Variants in CEP85L observed in about 807,000 individuals in gnomAD.
CEP85L encodes centrosomal protein 85L, also known as centrosomal protein of 85 kDa-like.
Under a neutral mutation model 100.3 loss-of-function variants are expected in CEP85L, and 60 were observed. The observed-to-expected ratio is 0.60, with a 90% CI of 0.49 to 0.74. CEP85L has a LOEUF of 0.74. CEP85L is among the 30% of genes least tolerant of loss of function. CEP85L has a pLI of 0.00. For missense variants in CEP85L, 973 were observed against 936.2 expected (o/e 1.04, Z -0.51); for synonymous variants, 319 against 322.7 (o/e 0.99, Z 0.12).
chr6:118,531,845 G>GA (rs923927823), intron 3 of CEP85L, among the ~76,000 whole-genome samples: 19 of 150,652 alleles, frequency 1.3e-4, no homozygotes, highest in South Asian at 4.2e-4. Context: ...TTACTAAAAA[G>GA]AAAAAAAAAT....
chr6:118,583,788 G>A (rs1034317361), intron 2 of CEP85L, among the ~76,000 whole-genome samples: 2 of 152,182 alleles, frequency 1.3e-5, no homozygotes, highest in Non-Finnish European at 2.9e-5. Flanking sequence ...AATATTAGGA[G>A]CACAGAAACC....
intron 3 of CEP85L, among the ~76,000 whole-genome samples, chr6:118,532,043 T>C (rs1436716998): frequency 2.0e-5 from 3 of 152,130 alleles, no homozygotes; most frequent in African/African-American, 7.2e-5. Context: ...CGGAGACACA[T>C]GCACAACATG....
chr6:118,541,203 A>AAT (rs1380100879), intron 3 of CEP85L, among the ~76,000 whole-genome samples: 1 of 152,166 alleles, frequency 6.6e-6, no homozygotes, highest in African/African-American at 2.4e-5. Context: ...TCTTGATCCT[A>AAT]ATGTTGGTCC....
At chr6:118,577,322 C>T (rs937873268) in intron 2 of CEP85L, among the ~76,000 whole-genome samples, 7 of 152,128 alleles carry the variant, frequency 4.6e-5, no homozygotes, top group South Asian at 4.2e-4. Flanking sequence ...GCGGCACTTG[C>T]GCTCTAATCC....
At chr6:118,503,367 A>C (rs1240679384) in intron 5 of CEP85L, among the ~76,000 whole-genome samples, 3 of 152,210 alleles carry the variant, frequency 2.0e-5, no homozygotes, top group Admixed American at 2.0e-4. Context: ...GGTTCTTTCC[A>C]ATTTGATCTA....
chr6:118,485,555 G>C (rs192799828), intron 6 of CEP85L, among the ~76,000 whole-genome samples: 68 of 152,302 alleles, frequency 4.5e-4, no homozygotes, highest in African/African-American at 1.6e-3. Flanking sequence ...TGGTGTGACA[G>C]TTTACCCTGT....
At position 118,709,005 on chromosome 6, in the gene CEP85L, G is replaced by T. The variant is rs72962960; in HGVS notation, c.-28+1031C>A. Reference sequence around the variant, plus strand: ...CTAACACTAAAAGCAAACAAAACAGGCAGTTCATTAGAAACCGGTAATATA... The same window carrying T: ...CTAACACTAAAAGCAAACAAAACAGTCAGTTCATTAGAAACCGGTAATATA... On this transcript the variant is annotated intron_variant, in intron 1 of 13. Coordinates refer to the CEP85L transcript ENST00000368488. Among the ~76,000 whole-genome samples the T allele has an allele frequency of 4.5e-3, 689 of 152,122 alleles. 9 individuals are homozygous for T. Among genetic ancestry groups the T allele is most frequent in the Middle Eastern group, 0.027 (8 of 294 alleles).
chr6:118,674,717 C>T (rs963561046), intron 1 of CEP85L, among the ~76,000 whole-genome samples: 1 of 152,104 alleles, frequency 6.6e-6, no homozygotes, highest in Non-Finnish European at 1.5e-5. Flanking sequence ...TGATGCTCAA[C>T]ATTATTAGTT....
intron 3 of CEP85L, among the ~76,000 whole-genome samples, chr6:118,546,755 A>G (rs934836575): frequency 6.6e-6 from 1 of 152,084 alleles, no homozygotes; most frequent in Non-Finnish European, 1.5e-5. Flanking sequence ...ATCAATCATC[A>G]TTGGTAACTG....
chr6:118,709,532 C>CGTGTGTGTGTGTGTGTGTGTGTGTGT (rs1209782027), intron 1 of CEP85L, among the ~76,000 whole-genome samples: 1,939 of 86,796 alleles, frequency 0.022, 32 homozygotes, highest in Admixed American at 0.026. Context: ...CAACAATTGG[C>CGTGTGTGTGTGTGTGTGTGTGTGTGT]GTGTGTGTGT....
At chr6:118,641,942 G>A (rs958122074) in intron 1 of CEP85L, among the ~76,000 whole-genome samples, 14 of 151,968 alleles carry the variant, frequency 9.2e-5, no homozygotes, top group Admixed American at 8.5e-4. Flanking sequence ...CAAATGAAAC[G>A]TTCAATATGT....
At chr6:118,494,944 A>T (rs1039084190) in intron 5 of CEP85L, among the ~76,000 whole-genome samples, 3 of 152,190 alleles carry the variant, frequency 2.0e-5, no homozygotes, top group African/African-American at 7.2e-5. Context: ...AAGAACATAC[A>T]GATAACGTAA....
chr6:118,562,959 G>C (rs543122634), intron 3 of CEP85L, among the ~76,000 whole-genome samples: 18 of 152,154 alleles, frequency 1.2e-4, no homozygotes, highest in African/African-American at 4.3e-4. Context: ...CCTTCCCCAA[G>C]AAAAGGAACT....
intron 1 of CEP85L, among the ~76,000 whole-genome samples, chr6:118,643,994 G>C (rs1484744648): frequency 1.3e-5 from 2 of 152,134 alleles, no homozygotes; most frequent in Non-Finnish European, 2.9e-5. Context: ...CCAGACAACT[G>C]GTCACCCTAG....
At chr6:118,503,253 G>A (rs1775422732) in intron 5 of CEP85L, among the ~76,000 whole-genome samples, 2 of 152,124 alleles carry the variant, frequency 1.3e-5, no homozygotes, top group African/African-American at 4.8e-5. Flanking sequence ...AGATCTATAT[G>A]AAGACAACTA....
At chr6:118,509,361 A>G (rs1775839028) in intron 5 of CEP85L, among the ~76,000 whole-genome samples, 2 of 152,140 alleles carry the variant, frequency 1.3e-5, no homozygotes, top group African/African-American at 4.8e-5. Context: ...CCAAAGCAAG[A>G]TACACTACTT....
At chr6:118,560,923 C>G (rs533562599) in intron 3 of CEP85L, among the ~76,000 whole-genome samples, 2 of 152,268 alleles carry the variant, frequency 1.3e-5, no homozygotes, top group South Asian at 4.1e-4. Context: ...AGACATGTTA[C>G]TAATATAACT....
intron 1 of CEP85L, among the ~76,000 whole-genome samples, chr6:118,670,407 G>T (rs1306424437): frequency 6.6e-6 from 1 of 151,502 alleles, no homozygotes; most frequent in Non-Finnish European, 1.5e-5. Context: ...GTAGGCCCTG[G>T]TGTCTGTTTT....
intron 1 of CEP85L, among the ~76,000 whole-genome samples, chr6:118,643,513 G>A (rs939699322): frequency 7.9e-5 from 12 of 152,156 alleles, no homozygotes; most frequent in East Asian, 1.9e-4. Context: ...TTTTCAAAAC[G>A]AGTATCAATA....
Sources: allele counts gnomAD v4.1 joint callset (sites outside exome capture counted in the v4.1 genomes callset), GRCh38; gene constraint gnomAD v4.1.1; transcripts MANE v1.5; gene names NCBI Gene and HGNC (gene_info 2026-07-23, HGNC 2026-07-21).